The following DDX60L variants were observed in gnomAD, a reference collection of about 807,000 sequenced individuals.
DDX60L encodes the protein probable ATP-dependent RNA helicase DDX60-like.
Under a neutral mutation model 211.6 loss-of-function variants are expected in DDX60L, and 191 were observed. That is an observed-to-expected ratio of 0.90 (90% confidence interval 0.80 to 1.02). The LOEUF is 1.02. DDX60L is among the 50% of genes least tolerant of loss of function. The pLI is 0.00. For missense variants in DDX60L, 2,007 were observed against 1,984.1 expected (o/e 1.01, Z -0.22); for synonymous variants, 706 against 694.1 (o/e 1.02, Z -0.27).
chr4:168,378,131 C>T (rs1399985065), intron 33 of DDX60L, among the ~76,000 whole-genome samples: 1 of 151,996 alleles, frequency 6.6e-6, no homozygotes, highest in Non-Finnish European at 1.5e-5. Context: ...ATAATTTGCT[C>T]CAATAAAGTG....
At chr4:168,469,966 C>G (rs558405948) in intron 4 of DDX60L, 1 of 152,238 alleles carries the variant, frequency 6.6e-6, no homozygotes, top group African/African-American at 2.4e-5. Flanking sequence ...TCAAGAACTA[C>G]TACAACTCAA....
At chr4:168,433,728 A>T (rs549394741) in intron 10 of DDX60L, among the ~76,000 whole-genome samples, 1 of 152,128 alleles carries the variant, frequency 6.6e-6, no homozygotes, top group Non-Finnish European at 1.5e-5. Flanking sequence ...CCTTTTGCCA[A>T]TGTATCCACA....
chr4:168,359,830 A>C (rs572415805), intron 37 of DDX60L, among the ~76,000 whole-genome samples: 8 of 152,260 alleles, frequency 5.3e-5, no homozygotes, highest in African/African-American at 1.7e-4. Flanking sequence ...TCCCTGTCAC[A>C]ACCTCCACAT....
intron 22 of DDX60L, among the ~76,000 whole-genome samples, chr4:168,413,411 A>T (rs1488447202): frequency 6.6e-6 from 1 of 152,134 alleles, no homozygotes; most frequent in Non-Finnish European, 1.5e-5. Flanking sequence ...TAAACAACAC[A>T]TTTAAAAGAT....
At chr4:168,455,572 G>A (rs1756447162) in intron 7 of DDX60L, among the ~76,000 whole-genome samples, 1 of 152,132 alleles carries the variant, frequency 6.6e-6, no homozygotes, top group Non-Finnish European at 1.5e-5. Context: ...TGGTCTCAAA[G>A]TCTTGAATCG....
intron 26 of DDX60L, among the ~76,000 whole-genome samples, chr4:168,398,370 C>T (rs1322547002): frequency 2.0e-5 from 3 of 152,236 alleles, no homozygotes; most frequent in African/African-American, 7.2e-5. Context: ...GTTGACTCGG[C>T]TGTTTCCAGA....
intron 4 of DDX60L, among the ~76,000 whole-genome samples, chr4:168,466,047 C>T (rs189649888): frequency 6.6e-6 from 1 of 151,988 alleles, no homozygotes; most frequent in East Asian, 1.9e-4. Context: ...CCATTAGATG[C>T]AAATTTGTGA....
chr4:168,460,190 A>C (rs897013269), intron 5 of DDX60L, among the ~76,000 whole-genome samples: 2 of 152,220 alleles, frequency 1.3e-5, no homozygotes, highest in African/African-American at 4.8e-5. Flanking sequence ...AACTGGAACA[A>C]GACTAGATTC....
chr4:168,388,624 G>C (rs747249755), intron 29 of DDX60L, among the ~76,000 whole-genome samples: 4 of 152,188 alleles, frequency 2.6e-5, no homozygotes, highest in Non-Finnish European at 5.9e-5. Flanking sequence ...TAACTAACTT[G>C]TCCGTAGTTG....
intron 27 of DDX60L, among the ~76,000 whole-genome samples, 183 bp from the exon 28 acceptor site, chr4:168,394,800 G>A (rs1466641232): frequency 6.6e-6 from 1 of 152,158 alleles, no homozygotes; most frequent in African/African-American, 2.4e-5. Context: ...TTTGTGAACA[G>A]ACTCTCTCAG....
chr4:168,381,428 C>T (rs1185647877), intron 30 of DDX60L, among the ~76,000 whole-genome samples: 1 of 152,056 alleles, frequency 6.6e-6, no homozygotes, highest in Non-Finnish European at 1.5e-5. Context: ...TATATGCCAC[C>T]ATACCCAGCC....
chr4:168,395,541 C>T (rs1421742183), intron 27 of DDX60L, among the ~76,000 whole-genome samples: 3 of 152,142 alleles, frequency 2.0e-5, no homozygotes, highest in Non-Finnish European at 1.5e-5. Flanking sequence ...AAATGCCATA[C>T]CATCCTTGGA....
intron 26 of DDX60L, among the ~76,000 whole-genome samples, chr4:168,399,555 A>G (rs1292070988): frequency 6.6e-6 from 1 of 152,198 alleles, no homozygotes; most frequent in East Asian, 1.9e-4. Flanking sequence ...ACAGAATCCC[A>G]TAACAGAACA....
At chr4:168,359,106 G>C (rs1383213087) in intron 37 of DDX60L, among the ~76,000 whole-genome samples, 1 of 152,146 alleles carries the variant, frequency 6.6e-6, no homozygotes, top group African/African-American at 2.4e-5. Flanking sequence ...CATGCTATTC[G>C]AGCATTGCAA....
At chr4:168,423,840 A>T in intron 14 of DDX60L, 66 bp from the exon 15 acceptor site, 1 of 1,058,098 alleles carries the variant, frequency 9.5e-7, no homozygotes, top group Non-Finnish European at 1.3e-6. Context: ...CACTTACGAC[A>T]ATCATTGAGT....
At chr4:168,440,382 T>A (rs1249911899) in intron 10 of DDX60L, among the ~76,000 whole-genome samples, 1 of 152,244 alleles carries the variant, frequency 6.6e-6, no homozygotes, top group Admixed American at 6.5e-5. Context: ...TTGAAGTGAA[T>A]AAATGCATAT....
intron 8 of DDX60L, 69 bp downstream of exon 8, chr4:168,453,053 ACT>A (rs1351810152): frequency 6.4e-6 from 9 of 1,409,480 alleles, no homozygotes; most frequent in South Asian, 2.9e-5. Flanking sequence ...TTCCAATATA[ACT>A]CTAGTTTTAA....
chr4:168,401,707 G>A (rs1392141796), intron 25 of DDX60L, among the ~76,000 whole-genome samples: 1 of 152,164 alleles, frequency 6.6e-6, no homozygotes, highest in Non-Finnish European at 1.5e-5. Context: ...TCTAGGCTGA[G>A]TTCACCATAG....
chr4:168,398,010 G>A (rs1305871157), intron 26 of DDX60L, among the ~76,000 whole-genome samples: 4 of 151,882 alleles, frequency 2.6e-5, no homozygotes, highest in African/African-American at 7.3e-5. Context: ...CTGCAGACCC[G>A]GGCCTCCCCG....
Sources: allele counts gnomAD v4.1 joint callset (sites outside exome capture counted in the v4.1 genomes callset), GRCh38; gene constraint gnomAD v4.1.1; transcripts MANE v1.5; gene names NCBI Gene and HGNC (gene_info 2026-07-23, HGNC 2026-07-21).